ME1: variants seen among roughly 807,000 people sequenced by gnomAD.
ME1 encodes the protein malic enzyme 1.
Under a neutral mutation model 66.4 loss-of-function variants are expected in ME1, and 74 were observed. The observed-to-expected ratio is 1.11, with a 90% CI of 0.92 to 1.35. The LOEUF (loss-of-function observed/expected upper bound fraction) is 1.35. ME1 is among the 40% of genes most tolerant of loss of function. The pLI, the probability that ME1 is intolerant of heterozygous loss-of-function variation, is 0.00. For missense variants in ME1, 750 were observed against 694.1 expected, an observed-to-expected ratio of 1.08 and a Z score of -0.90; for synonymous variants, 251 against 235.6, an observed-to-expected ratio of 1.07 and a Z score of -0.60.
At chr6:83,394,482 T>A (rs2128550246) in intron 3 of ME1, among the ~76,000 whole-genome samples, 1 of 152,286 alleles carries the variant, frequency 6.6e-6, no homozygotes, top group South Asian at 2.1e-4. Flanking sequence ...TCAACTATAG[T>A]TACTTATCTA....
rs1583320847 is a variant in ME1, at chr6:83,211,721, A to T, written c.*203T>A. The T allele has an allele frequency of 5.1e-6, 2 of 389,350 alleles. No homozygotes were observed. The highest frequency in any genetic ancestry group is 9.1e-6 in the Non-Finnish European group (2 of 220,450). 24.1% of individuals were successfully genotyped at this position (389,350 alleles called of 1,614,324 possible). A position where few individuals can be genotyped will look rare whatever the true frequency, so the allele number is the denominator to read the frequency against. ...AGAATAATTCAGACAGAAACCATAA[A>T]TAACCAGAAGGCAAAGTGAAGCAAA... On this transcript the variant is annotated 3_prime_UTR_variant, in exon 14 of 14. Coordinates refer to ENST00000369705, the MANE Select transcript of ME1 (RefSeq NM_002395.6).
In ME1 at chr6:83,350,230, A is replaced by C. The variant is rs188080694; in HGVS notation, c.438+1834T>G. The stretch of plus-strand genomic sequence containing the variant: ...ACTATGTGCCAGGCACTATGCTAAG[A>C]TTTTTAAATAAAAGAGGGCATAGTT... On this transcript the variant is annotated intron_variant, in intron 4 of 13. Coordinates refer to ENST00000369705, the MANE Select transcript of ME1 (RefSeq NM_002395.6). Among the ~76,000 whole-genome samples, 1,046 of 152,268 alleles carry C rather than the reference A, an allele frequency of 6.9e-3. 9 individuals are homozygous for C. Among genetic ancestry groups the C allele is most frequent in the Non-Finnish European group, 0.01 (705 of 68,030 alleles).
rs796728675 is a variant in ME1 at position 83,325,952 on chromosome 6, A to AC, written c.601-10540_601-10539insG. Among the ~76,000 whole-genome samples, 1,199 of 150,926 alleles carry AC rather than the reference A, an allele frequency of 7.9e-3. 14 individuals are homozygous for AC. The highest frequency in any genetic ancestry group is 0.027 in the African/African-American group (1,119 of 40,970). On this transcript the variant is annotated intron_variant, in intron 5 of 13. Transcript: ENST00000369705. ...AACACAAAAAAACGAAGCAAACAAA[A>AC]AAAAAAAAAAACAAAGCTGGAGGCA... is the stretch of plus-strand genomic sequence containing the variant.
chr6:83,395,732 C>T (rs1022143328), intron 3 of ME1, among the ~76,000 whole-genome samples: 1 of 151,740 alleles, frequency 6.6e-6, no homozygotes, highest in Non-Finnish European at 1.5e-5. Context: ...CCTCAGCCTC[C>T]CAAAGTGCTG....
intron 6 of ME1, among the ~76,000 whole-genome samples, chr6:83,267,012 C>G (rs1409001922): frequency 6.6e-6 from 1 of 152,128 alleles, no homozygotes; most frequent in African/African-American, 2.4e-5. Flanking sequence ...AACTTCGTCT[C>G]TGCAAAATTG....
intron 1 of ME1, among the ~76,000 whole-genome samples, chr6:83,422,963 A>T (rs573845442): frequency 6.6e-6 from 1 of 152,112 alleles, no homozygotes; most frequent in Non-Finnish European, 1.5e-5. Flanking sequence ...GGCTGAAAAC[A>T]TATCAAATTT....
chr6:83,253,726 A>G lies in ME1; in HGVS notation c.717T>C (p.Asn239=). The G allele has an allele frequency of 6.3e-7, 1 of 1,582,900 alleles. No individual in the cohort carries two copies. The highest frequency in any genetic ancestry group is 8.7e-7 in the Non-Finnish European group (1 of 1,153,044). Residue 239 remains asparagine, a synonymous_variant, in exon 7 of 14, where the codon AAT becomes AAC. Coordinates refer to ENST00000369705, the MANE Select transcript of ME1 (RefSeq NM_002395.6). ...MEAVSSKYGM[N]CLIQFEDFAN... ...CAAAATCTTCAAACTGAATAAGGCA[A>G]TTCATGCCATACCTATGGGACAAAA...
chr6:83,427,665 G>C (rs1375391891), intron 1 of ME1, among the ~76,000 whole-genome samples: 4 of 152,024 alleles, frequency 2.6e-5, no homozygotes, highest in African/African-American at 9.7e-5. Flanking sequence ...GCAAAATACT[G>C]TACTAAATAT....
intron 1 of ME1, among the ~76,000 whole-genome samples, chr6:83,411,148 G>T (rs1770041730): frequency 6.6e-6 from 1 of 152,188 alleles, no homozygotes; most frequent in Non-Finnish European, 1.5e-5. Context: ...GGAGGCCAGG[G>T]CAGGCGGGAG....
intron 6 of ME1, among the ~76,000 whole-genome samples, chr6:83,260,558 C>T (rs1423822905): frequency 6.6e-6 from 1 of 152,110 alleles, no homozygotes; most frequent in Non-Finnish European, 1.5e-5. Flanking sequence ...TTGTTCTGCT[C>T]CTCTTCCTCT....
chr6:83,254,750 T>TACTA (rs1454309349), intron 6 of ME1, among the ~76,000 whole-genome samples: 1 of 152,174 alleles, frequency 6.6e-6, no homozygotes, highest in Non-Finnish European at 1.5e-5. Flanking sequence ...CACCTCTCTA[T>TACTA]ACTAACAGCT....
intron 4 of ME1, among the ~76,000 whole-genome samples, chr6:83,348,242 A>G (rs573885127): frequency 5.8e-4 from 88 of 152,322 alleles, no homozygotes; most frequent in African/African-American, 1.9e-3. Flanking sequence ...TACTGCAGAT[A>G]ACTATAACTT....
chr6:83,429,243 A>G (rs1221187383), intron 1 of ME1, among the ~76,000 whole-genome samples: 1 of 152,088 alleles, frequency 6.6e-6, no homozygotes, highest in Non-Finnish European at 1.5e-5. Context: ...AACCTGGGCG[A>G]CAGAGCGCGA....
At chr6:83,245,210 G>A (rs1345826857) in intron 7 of ME1, among the ~76,000 whole-genome samples, 5 of 152,066 alleles carry the variant, frequency 3.3e-5, no homozygotes, top group Non-Finnish European at 7.4e-5. Flanking sequence ...AGGGAAGAAA[G>A]ACATTGACTG....
At chr6:83,292,835 C>G (rs992670182) in intron 6 of ME1, among the ~76,000 whole-genome samples, 1 of 152,204 alleles carries the variant, frequency 6.6e-6, no homozygotes, top group Non-Finnish European at 1.5e-5. Flanking sequence ...ACCGCCTACT[C>G]AAGCCTCAGC....
chr6:83,362,317 G>A lies in ME1; in HGVS notation c.363-10178C>T, dbSNP rs549525302. 7.2e-5 allele frequency among the ~76,000 whole-genome samples: 11 copies of A among 152,266 alleles called. No individual in the cohort carries two copies. In the South Asian group the frequency reaches 8.3e-4, roughly 11 times the overall value. The stretch of plus-strand genomic sequence containing the variant: ...AAGAGGTATGTGGATCGACCTCTCC[G>A]GTCAAAAACTGTGAAGATATTTGTA... On this transcript the variant is annotated intron_variant, in intron 3 of 13. Coordinates refer to ENST00000369705, the MANE Select transcript of ME1 (RefSeq NM_002395.6).
At chr6:83,256,274 T>C (rs561007790) in intron 6 of ME1, among the ~76,000 whole-genome samples, 3 of 152,280 alleles carry the variant, frequency 2.0e-5, no homozygotes, top group Middle Eastern at 3.4e-3. Flanking sequence ...GAGTACTCTA[T>C]AGCCACTTAA....
chr6:83,225,070 T>C (rs1361446682), intron 11 of ME1, among the ~76,000 whole-genome samples: 2 of 151,556 alleles, frequency 1.3e-5, no homozygotes, highest in Admixed American at 6.6e-5. Flanking sequence ...GGTGTGGTGG[T>C]GGGCACCTGT....
chr6:83,350,072 T>G (rs1041467091), intron 4 of ME1, among the ~76,000 whole-genome samples: 1 of 152,250 alleles, frequency 6.6e-6, no homozygotes, highest in Middle Eastern at 3.4e-3. Flanking sequence ...TACCACACAT[T>G]TTGATTATAT....
Sources: allele counts gnomAD v4.1 joint callset (sites outside exome capture counted in the v4.1 genomes callset), GRCh38; gene constraint gnomAD v4.1.1; transcripts MANE v1.5; gene names NCBI Gene and HGNC (gene_info 2026-07-23, HGNC 2026-07-21).